Variants in NINJ2 observed in about 807,000 individuals in gnomAD.
The protein encoded by NINJ2 is ninjurin-2.
Under a neutral mutation model 11.7 loss-of-function variants are expected in NINJ2, and 12 were observed. The ratio of observed to expected loss-of-function variants is 1.02; its 90% CI spans 0.66 to 1.66. The LOEUF is 1.66. NINJ2 is among the 40% of genes most tolerant of loss of function. The probability of loss-of-function intolerance (pLI) is 0.00; values close to 1 mark genes in which losing one functional copy is unlikely to be tolerated. For synonymous variants in NINJ2, 93 were observed against 76.8 expected, an observed-to-expected ratio of 1.21 and a Z score of -1.10; for missense variants, 187 against 181.8, an observed-to-expected ratio of 1.03 and a Z score of -0.16.
chr12:641,844 CAAA>C (rs10549771), intron 1 of NINJ2, among the ~76,000 whole-genome samples: 63 of 116,842 alleles, frequency 5.4e-4, no homozygotes, highest in Middle Eastern at 4.1e-3. Context: ...GACTCCGTCT[CAAA>C]AAAAAAAAAA....
chr12:567,974 T>C (rs1947324910), intron 1 of NINJ2, among the ~76,000 whole-genome samples: 1 of 152,214 alleles, frequency 6.6e-6, no homozygotes, highest in Non-Finnish European at 1.5e-5. Context: ...ACCATTGCAC[T>C]CTAGCCTGGG....
chr12:585,289 T>C lies in NINJ2; in HGVS notation c.34-19111A>G, dbSNP rs1947616188. 6.6e-6 allele frequency among the ~76,000 whole-genome samples: 1 copy of C among 152,192 alleles called. No homozygotes were observed. The highest frequency in any genetic ancestry group is 6.5e-5 in the Admixed American group (1 of 15,282). ...TTCCCTGCTGCAAGCTCTTAACCCT[T>C]AGCGTGAGCAGATGGTAGAACTGCC... On this transcript the variant is annotated intron_variant, in intron 1 of 3. Coordinates refer to ENST00000305108, the MANE Select transcript of NINJ2 (RefSeq NM_016533.6). This position sits in a 1 kb window ranked among gnomAD's most constrained non-coding sequence, Gnocchi z 4.1.
At chr12:642,334 G>GA (rs1948429028) in intron 1 of NINJ2, among the ~76,000 whole-genome samples, 1 of 152,188 alleles carries the variant, frequency 6.6e-6, no homozygotes, top group Admixed American at 6.5e-5. Context: ...GAGTTCAAGC[G>GA]ATCCTCCTGC....
chr12:621,684 GC>G (rs1178824211), intron 1 of NINJ2, among the ~76,000 whole-genome samples: 1 of 151,884 alleles, frequency 6.6e-6, no homozygotes, highest in Non-Finnish European at 1.5e-5. Context: ...GGGCATAGTG[GC>G]GTGTGCCTGT....
intron 1 of NINJ2, among the ~76,000 whole-genome samples, chr12:653,299 G>A (rs1479798279): frequency 2.0e-5 from 3 of 151,960 alleles, no homozygotes; most frequent in Non-Finnish European, 4.4e-5. Context: ...GATTACAGGC[G>A]TGAGCCATAT....
At chr12:619,928 T>C (rs1948133137) in intron 1 of NINJ2, among the ~76,000 whole-genome samples, 3 of 152,192 alleles carry the variant, frequency 2.0e-5, no homozygotes, top group Non-Finnish European at 4.4e-5. Flanking sequence ...TATTCCTTAA[T>C]GGTCAGGGTT....
chr12:659,548 G>A (rs937325347), intron 1 of NINJ2, among the ~76,000 whole-genome samples: 13 of 152,186 alleles, frequency 8.5e-5, no homozygotes, highest in African/African-American at 3.1e-4. Context: ...CAGGGAGAAG[G>A]GCAGAGGCTT....
intron 1 of NINJ2, among the ~76,000 whole-genome samples, chr12:600,447 T>A (rs1947851016): frequency 6.6e-6 from 1 of 151,954 alleles, no homozygotes; most frequent in Admixed American, 6.6e-5. Flanking sequence ...TCCCAGCTAC[T>A]CAGGAGGCTG....
intron 1 of NINJ2, chr12:590,581 C>T (rs1947704576): frequency 6.6e-6 from 1 of 152,346 alleles, no homozygotes; most frequent in African/African-American, 2.4e-5. Context: ...ACAGATGCAG[C>T]TGCCTGGTGG....
chr12:575,397 T>C (rs1196102648), intron 1 of NINJ2, among the ~76,000 whole-genome samples: 1 of 152,152 alleles, frequency 6.6e-6, no homozygotes, highest in Non-Finnish European at 1.5e-5. Context: ...TACTCACTGT[T>C]CCCTGAACAC....
Position 653,018 on chromosome 12 carries a change from C to CTTT in NINJ2, c.33+10307_33+10309dup, listed in dbSNP as rs377056940. ...TGATATACAAAGTAATATTTTGTTT[C>CTTT]TTTTTTTTTTTTTTTTTTTTGAGAT... On this transcript the variant is annotated intron_variant, in intron 1 of 3. Transcript: ENST00000305108. Among the ~76,000 whole-genome samples, 405 of 96,214 alleles carry CTTT rather than the reference C, an allele frequency of 4.2e-3. 28 individuals are homozygous for CTTT. The East Asian group carries it at 0.085, about 20-fold the overall frequency. 63.1% of individuals were successfully genotyped at this position (96,214 alleles called of 152,430 possible). A position where few individuals can be genotyped will look rare whatever the true frequency, so the allele number is the denominator to read the frequency against.
chr12:611,382 G>C (rs36013318), intron 1 of NINJ2, among the ~76,000 whole-genome samples: 1 of 150,364 alleles, frequency 6.7e-6, no homozygotes, highest in Non-Finnish European at 1.5e-5. Context: ...CTGTCACCCA[G>C]GCTGGAGTGC....
intron 3 of NINJ2, among the ~76,000 whole-genome samples, 169 bp from the exon 4 acceptor site, chr12:564,850 G>A (rs1947270343): frequency 6.6e-6 from 1 of 152,254 alleles, no homozygotes; most frequent in African/African-American, 2.4e-5. Flanking sequence ...TGGGTGGTTT[G>A]TGGATGCTGC....
chr12:625,364 G>A (rs1948201250), intron 1 of NINJ2, among the ~76,000 whole-genome samples: 1 of 152,130 alleles, frequency 6.6e-6, no homozygotes, highest in Non-Finnish European at 1.5e-5. Flanking sequence ...GAGAAGGTCA[G>A]AAAGCCAAGG....
chr12:606,028 T>C (rs1332781600), intron 1 of NINJ2, among the ~76,000 whole-genome samples: 1 of 152,170 alleles, frequency 6.6e-6, no homozygotes, highest in African/African-American at 2.4e-5. Context: ...AAGAACTGTG[T>C]CTTATTTTAG....
At chr12:602,095 T>C (rs1443122492) in intron 1 of NINJ2, among the ~76,000 whole-genome samples, 1 of 152,188 alleles carries the variant, frequency 6.6e-6, no homozygotes, top group Non-Finnish European at 1.5e-5. Context: ...AGGAACCCCA[T>C]GCATAAGGTA....
intron 1 of NINJ2, among the ~76,000 whole-genome samples, chr12:615,038 G>A (rs968002153): frequency 3.3e-5 from 5 of 152,124 alleles, no homozygotes; most frequent in African/African-American, 4.8e-5. Flanking sequence ...CTGAAGAGTC[G>A]GGAGAGCGGT....
At chr12:643,672 C>T (rs1937629951) in intron 1 of NINJ2, 2 of 988,002 alleles carry the variant, frequency 2.0e-6, no homozygotes, top group Non-Finnish European at 2.4e-6. Context: ...TAGCGGCGGT[C>T]GTTTGAGCCA....
intron 1 of NINJ2, among the ~76,000 whole-genome samples, chr12:649,531 G>GTATGTATATATATATATATATA (rs1555167491): frequency 3.1e-5 from 4 of 127,696 alleles, no homozygotes; most frequent in East Asian, 2.5e-4. Flanking sequence ...GTGTATATGT[G>GTATGTATATATATATATATATA]TATATATATA....
Sources: gnomAD v4.1 joint callset for allele counts (sites outside exome capture counted in the v4.1 genomes callset) on GRCh38, gnomAD v4.1.1 for gene constraint, Gnocchi (gnomAD v3.1) non-coding constraint, MANE v1.5 for transcripts, NCBI Gene and HGNC (gene_info 2026-07-23, HGNC 2026-07-21) for gene names.